The following PRKN variants were observed in gnomAD, a reference collection of about 807,000 sequenced individuals.
The protein encoded by PRKN is E3 ubiquitin-protein ligase parkin.
A neutral mutation model predicts 59.5 loss-of-function variants in PRKN; 56 were observed. The observed-to-expected ratio is 0.94, with a 90% CI of 0.76 to 1.18. The LOEUF is 1.18. PRKN is among the 50% of genes most tolerant of loss of function. The pLI, the probability that PRKN is intolerant of heterozygous loss-of-function variation, is 0.00. For missense variants in PRKN, 657 were observed against 596.4 expected (o/e 1.10, Z -1.06); for synonymous variants, 250 against 222.1 (o/e 1.13, Z -1.12).
intron 7 of PRKN, among the ~76,000 whole-genome samples, chr6:161,654,043 G>A (rs561254359): frequency 1.3e-5 from 2 of 152,048 alleles, no homozygotes; most frequent in South Asian, 4.1e-4. Context: ...ATGTTGTTGA[G>A]GCTGGTCTCG....
chr6:162,720,060 C>G (rs777205342), intron 1 of PRKN, among the ~76,000 whole-genome samples: 6 of 152,132 alleles, frequency 3.9e-5, no homozygotes, highest in Non-Finnish European at 8.8e-5. Context: ...GTACAATAAG[C>G]TTTAAAAATG....
At chr6:162,630,826 G>C (rs1954806) in intron 1 of PRKN, among the ~76,000 whole-genome samples, 126,052 of 152,144 alleles carry the variant, frequency 0.83, 52,536 homozygotes, top group East Asian at 0.95. Context: ...AGTTGATGAT[G>C]AGCATTCAGA....
intron 2 of PRKN, among the ~76,000 whole-genome samples, chr6:162,284,726 T>C (rs1027438687): frequency 6.6e-6 from 1 of 152,202 alleles, no homozygotes; most frequent in Non-Finnish European, 1.5e-5. Context: ...GAGAATGATA[T>C]TCGTATACAT....
intron 4 of PRKN, among the ~76,000 whole-genome samples, chr6:162,099,047 G>C (rs1779860328): frequency 6.6e-6 from 1 of 152,144 alleles, no homozygotes; most frequent in Non-Finnish European, 1.5e-5. Flanking sequence ...TTTGAAGAGG[G>C]TGTTGGATAA....
At chr6:162,383,055 G>A (rs2128141379) in intron 2 of PRKN, among the ~76,000 whole-genome samples, 1 of 152,234 alleles carries the variant, frequency 6.6e-6, no homozygotes, top group Middle Eastern at 3.4e-3. Context: ...CACCACATCT[G>A]CGATGACTTC....
intron 6 of PRKN, among the ~76,000 whole-genome samples, chr6:161,909,737 C>T (rs954884837): frequency 1.3e-5 from 2 of 152,132 alleles, no homozygotes; most frequent in Non-Finnish European, 2.9e-5. Context: ...GCTCTTGAGG[C>T]CCAAAGAAGA....
intron 5 of PRKN, among the ~76,000 whole-genome samples, chr6:162,036,622 C>T (rs1051284388): frequency 1.3e-5 from 2 of 151,998 alleles, no homozygotes; most frequent in African/African-American, 2.4e-5. Flanking sequence ...CTCCAGTGAT[C>T]CCCCTGCCTG....
chr6:162,338,109 G>A (rs552104907), intron 2 of PRKN, among the ~76,000 whole-genome samples: 1 of 152,258 alleles, frequency 6.6e-6, no homozygotes, highest in East Asian at 1.9e-4. Context: ...CCGGGAGACA[G>A]AAGGAGAAGA....
chr6:161,933,926 C>T (rs1179681126), intron 6 of PRKN, among the ~76,000 whole-genome samples: 2 of 152,236 alleles, frequency 1.3e-5, no homozygotes, highest in Non-Finnish European at 2.9e-5. Context: ...TCTGTCTGTC[C>T]TACAGTGCAA....
intron 2 of PRKN, among the ~76,000 whole-genome samples, chr6:162,364,154 G>C (rs984370933): frequency 3.3e-5 from 5 of 151,008 alleles, no homozygotes; most frequent in African/African-American, 1.2e-4. Flanking sequence ...CCCCAGACTT[G>C]ATAATACCAT....
At chr6:161,702,411 T>G (rs1470688403) in intron 7 of PRKN, among the ~76,000 whole-genome samples, 1 of 152,118 alleles carries the variant, frequency 6.6e-6, no homozygotes, top group African/African-American at 2.4e-5. Flanking sequence ...TTAAAGACTA[T>G]GCTAAGTGAA....
At chr6:162,155,164 A>G (rs544773031) in intron 4 of PRKN, among the ~76,000 whole-genome samples, 99 of 151,916 alleles carry the variant, frequency 6.5e-4, no homozygotes, top group Non-Finnish European at 9.7e-4. Context: ...ACTTCCCATT[A>G]GGAGATGAAC....
At chr6:162,620,182 ATCT>A (rs1782606400) in intron 1 of PRKN, among the ~76,000 whole-genome samples, 1 of 151,928 alleles carries the variant, frequency 6.6e-6, no homozygotes. Flanking sequence ...TTTTACTTTT[ATCT>A]CCTCAACAGG....
rs1789585534 is a variant in PRKN, at chr6:161,448,311, G to A, written c.1084-61434C>T. On this transcript the variant is annotated intron_variant, in intron 9 of 11. Transcript: ENST00000366898. This position sits in a 1 kb window ranked among gnomAD's most constrained non-coding sequence, Gnocchi z 5.1. ...AGCCCTTGAATGAATTACTTAACTG[G>A]ATCCTAAGCATTTTGATTATTTTAG... Among the ~76,000 whole-genome samples, 1 of 152,074 alleles carries A rather than the reference G, an allele frequency of 6.6e-6. No homozygotes were observed. The highest frequency in any genetic ancestry group is 1.5e-5 in the Non-Finnish European group (1 of 68,032).
At chr6:162,435,291 T>C (rs1789716337) in intron 2 of PRKN, among the ~76,000 whole-genome samples, 1 of 152,186 alleles carries the variant, frequency 6.6e-6, no homozygotes, top group African/African-American at 2.4e-5. Flanking sequence ...TGAGAGCCTA[T>C]TAAATGAATC....
intron 7 of PRKN, among the ~76,000 whole-genome samples, chr6:161,589,563 G>A (rs1438866219): frequency 2.0e-5 from 3 of 151,258 alleles, no homozygotes; most frequent in Non-Finnish European, 4.4e-5. Flanking sequence ...CAAAAGTTTC[G>A]ACATGTAAGA....
chr6:161,585,785 C>T (rs926660607), intron 7 of PRKN, among the ~76,000 whole-genome samples: 5 of 152,138 alleles, frequency 3.3e-5, no homozygotes, highest in South Asian at 4.1e-4. Context: ...TTATTTTCTA[C>T]AGCTGGCTCG....
At chr6:161,997,237 T>C (rs187733467) in intron 5 of PRKN, among the ~76,000 whole-genome samples, 9 of 152,132 alleles carry the variant, frequency 5.9e-5, no homozygotes, top group Admixed American at 2.6e-4. Context: ...TGCGAAAAAA[T>C]TTATTTCTAC....
At chr6:161,988,298 C>T (rs910784418) in intron 5 of PRKN, among the ~76,000 whole-genome samples, 4 of 151,980 alleles carry the variant, frequency 2.6e-5, no homozygotes, top group Non-Finnish European at 5.9e-5. Flanking sequence ...ACCAGCCTGG[C>T]CAACGTGGTG....
Sources: gnomAD v4.1 joint callset for allele counts (sites outside exome capture counted in the v4.1 genomes callset) on GRCh38, gnomAD v4.1.1 for gene constraint, Gnocchi (gnomAD v3.1) non-coding constraint, MANE v1.5 for transcripts, NCBI Gene and HGNC (gene_info 2026-07-23, HGNC 2026-07-21) for gene names.